Variants in NEK5 observed in about 807,000 individuals in gnomAD.
NEK5 encodes the protein NIMA related kinase 5.
A neutral mutation model predicts 109.2 loss-of-function variants in NEK5; 88 were observed. The observed-to-expected ratio is 0.81, with a 90% confidence interval of 0.68 to 0.96. NEK5 has a LOEUF of 0.96. Among genes scored for constraint, NEK5 ranks in the 40% least tolerant of loss-of-function variants. The pLI is 0.00. For missense variants in NEK5, 834 were observed against 920.7 expected, an observed-to-expected ratio of 0.91 and a Z score of 1.22; for synonymous variants, 283 against 299.9, an observed-to-expected ratio of 0.94 and a Z score of 0.58.
chr13:52,092,917 T>C (rs1241641651), intron 13 of NEK5, 137 bp downstream of exon 13: 2 of 612,138 alleles, frequency 3.3e-6, no homozygotes, highest in African/African-American at 1.8e-5. Context: ...TCAAGGGAAC[T>C]ATGTGTTTAA....
At chr13:52,068,266 T>C (rs1180871576) in intron 20 of NEK5, among the ~76,000 whole-genome samples, 3 of 152,182 alleles carry the variant, frequency 2.0e-5, no homozygotes, top group African/African-American at 7.2e-5. Context: ...CTTTTGGTCG[T>C]GAGACAAAGA....
chr13:52,066,939 T>C (rs1954701096), intron 20 of NEK5, among the ~76,000 whole-genome samples: 1 of 152,214 alleles, frequency 6.6e-6, no homozygotes, highest in Non-Finnish European at 1.5e-5. Flanking sequence ...TTCCCCAAAC[T>C]GTTAACCAAT....
rs1349416206 is a variant in NEK5 at position 52,033,895 on chromosome 13, G to GA, written c.*3052dup. The GA allele has an allele frequency of 6.6e-6, 1 of 152,110 alleles. No homozygotes were observed. Among genetic ancestry groups the GA allele is most frequent in the Non-Finnish European group, 1.5e-5 (1 of 68,006 alleles). 9.4% of individuals were successfully genotyped at this position (152,110 alleles called of 1,614,324 possible). A position where few individuals can be genotyped will look rare whatever the true frequency, so the allele number is the denominator to read the frequency against. On this transcript the variant is annotated 3_prime_UTR_variant, in exon 24 of 24. Transcript: ENST00000684899. ...AAAGTTAATTATATAACTACAACAC[G>GA]AAACACAAATTTTTAGAAGCAAATT... is the stretch of plus-strand genomic sequence containing the variant.
chr13:52,050,061 T>C (rs185039252), intron 23 of NEK5, 43 bp downstream of exon 23: 1 of 721,488 alleles, frequency 1.4e-6, no homozygotes, highest in Admixed American at 6.3e-5. Context: ...ATTTTCACTT[T>C]GTACCAGTGC....
chr13:52,036,865 G>A lies in NEK5; in HGVS notation c.*83C>T. The A allele has an allele frequency of 4.7e-6, 3 of 635,420 alleles. No individual in the cohort carries two copies. Among genetic ancestry groups the A allele is most frequent in the Non-Finnish European group, 5.9e-6 (3 of 510,246 alleles). The allele number at this position is 635,420 out of a possible 1,614,324, so 39.4% of individuals were successfully genotyped here. A position where few individuals can be genotyped will look rare whatever the true frequency, so the allele number is the denominator to read the frequency against. Reference sequence around the variant, plus strand: ...TTGAGATTACTAGAAAACCCTTACAGTAAATGAGCATTTATGACTTGTACC... The same window carrying A: ...TTGAGATTACTAGAAAACCCTTACAATAAATGAGCATTTATGACTTGTACC... On this transcript the variant is annotated 3_prime_UTR_variant, in exon 24 of 24. Coordinates refer to ENST00000684899, the MANE Select transcript of NEK5 (RefSeq NM_001365552.1).
intron 23 of NEK5, among the ~76,000 whole-genome samples, chr13:52,045,893 A>C (rs1374466116): frequency 6.6e-6 from 1 of 151,712 alleles, no homozygotes; most frequent in Non-Finnish European, 1.5e-5. Context: ...CAACATGGTG[A>C]AACCCCATCT....
At chr13:52,084,267 G>A (rs914946039) in intron 16 of NEK5, among the ~76,000 whole-genome samples, 1 of 152,076 alleles carries the variant, frequency 6.6e-6, no homozygotes, top group African/African-American at 2.4e-5. Flanking sequence ...GCCTCCCTCT[G>A]TTGCCCAGGC....
At chr13:52,079,105 T>C (rs1214811925) in intron 17 of NEK5, among the ~76,000 whole-genome samples, 1 of 152,148 alleles carries the variant, frequency 6.6e-6, no homozygotes, top group Non-Finnish European at 1.5e-5. Flanking sequence ...AGTTATTAAT[T>C]CTAAGGGAGA....
chr13:52,088,963 C>T (rs1168336237), intron 14 of NEK5, among the ~76,000 whole-genome samples: 6 of 151,790 alleles, frequency 4.0e-5, no homozygotes, highest in Non-Finnish European at 8.8e-5. Context: ...TGGTGGTGGG[C>T]GCCTGTAATC....
chr13:52,077,881 C>G (rs987292715), intron 17 of NEK5, among the ~76,000 whole-genome samples: 3 of 151,986 alleles, frequency 2.0e-5, no homozygotes, highest in African/African-American at 7.3e-5. Context: ...TCGAGACCAG[C>G]CTGACCAACA....
intron 17 of NEK5, among the ~76,000 whole-genome samples, chr13:52,080,088 G>C (rs1954961360): frequency 6.6e-6 from 1 of 151,364 alleles, no homozygotes; most frequent in Non-Finnish European, 1.5e-5. Context: ...GAGAAGTGAG[G>C]AGCCTATCCG....
intron 21 of NEK5, among the ~76,000 whole-genome samples, chr13:52,064,357 G>T (rs1211408414): frequency 7.4e-6 from 1 of 135,042 alleles, no homozygotes; most frequent in Admixed American, 7.3e-5. Flanking sequence ...GGAGGTGGGG[G>T]GGTCAGCCCC....
intron 4 of NEK5, among the ~76,000 whole-genome samples, chr13:52,115,405 G>A (rs1390194726): frequency 1.3e-5 from 2 of 151,360 alleles, no homozygotes; most frequent in African/African-American, 4.8e-5. Context: ...AGGAATTTGA[G>A]ACCAGCCTGG....
At chr13:52,087,619 T>C (rs1306291550) in intron 14 of NEK5, among the ~76,000 whole-genome samples, 165 bp from the exon 15 acceptor site, 1 of 152,188 alleles carries the variant, frequency 6.6e-6, no homozygotes, top group Non-Finnish European at 1.5e-5. Flanking sequence ...TTATAAAGCA[T>C]TAAAAAATAT....
intron 15 of NEK5, among the ~76,000 whole-genome samples, chr13:52,086,749 TTAAGA>T (rs1593958207): frequency 6.6e-6 from 1 of 152,180 alleles, no homozygotes; most frequent in Non-Finnish European, 1.5e-5. Flanking sequence ...ATGAGACTAC[TTAAGA>T]TGAGATCATA....
In NEK5 at chr13:52,075,744, A is replaced by G. The variant is rs775806805; in HGVS notation, c.1722+14T>C. The G allele has an allele frequency of 6.7e-6, 10 of 1,490,372 alleles. No individual in the cohort carries two copies. Among genetic ancestry groups the G allele is most frequent in the Non-Finnish European group, 8.2e-6 (9 of 1,092,584 alleles). 92.3% of individuals were successfully genotyped at this position (1,490,372 alleles called of 1,614,324 possible). On this transcript the variant is annotated intron_variant, in intron 19 of 23. Transcript: ENST00000684899. Reference sequence around the variant, plus strand: ...CTGATACCTACTAATGGAAATTTAGACTTAATGGCATACCTCTTCCTCTTG... The same window carrying G: ...CTGATACCTACTAATGGAAATTTAGGCTTAATGGCATACCTCTTCCTCTTG...
chr13:52,066,340 T>G (rs1954690599), intron 20 of NEK5, among the ~76,000 whole-genome samples: 3 of 152,246 alleles, frequency 2.0e-5, no homozygotes, highest in African/African-American at 7.2e-5. Flanking sequence ...AGCTAAATTT[T>G]TGTGGACATT....
At chr13:52,074,927 C>T (rs978539441) in intron 19 of NEK5, among the ~76,000 whole-genome samples, 1 of 152,140 alleles carries the variant, frequency 6.6e-6, no homozygotes, top group Non-Finnish European at 1.5e-5. Context: ...CAATGAGACA[C>T]CATCTCACAC....
At chr13:52,126,993 T>G (rs143336626) in intron 3 of NEK5, among the ~76,000 whole-genome samples, 3,041 of 152,226 alleles carry the variant, frequency 0.02, 49 homozygotes, top group Middle Eastern at 0.051. Flanking sequence ...CAGGGCACCC[T>G]AAGGAGGGCC....
Sources: allele counts gnomAD v4.1 joint callset (sites outside exome capture counted in the v4.1 genomes callset), GRCh38; gene constraint gnomAD v4.1.1; transcripts MANE v1.5; gene names NCBI Gene and HGNC (gene_info 2026-07-23, HGNC 2026-07-21).